DDX23: variants seen among roughly 807,000 people sequenced by gnomAD.
DDX23 encodes probable ATP-dependent RNA helicase DDX23.
In DDX23, 33 loss-of-function variants were observed where a neutral mutation model predicts 102.7. The ratio of observed to expected loss-of-function variants is 0.32; its 90% confidence interval spans 0.24 to 0.43. The LOEUF is 0.43. DDX23 is among the 20% of genes least tolerant of loss of function. DDX23 has a pLI of 1.00. For synonymous variants in DDX23, 352 were observed against 376.0 expected (o/e 0.94, Z 0.74); for missense variants, 549 against 1,086.6 (o/e 0.51, Z 6.96).
In DDX23 at chr12:48,841,980, G is replaced by A. The variant is rs543126407; in HGVS notation, c.321-1874C>T. On this transcript the variant is annotated intron_variant, in intron 3 of 16. Transcript: ENST00000308025. ...CCGCCCCGTCTGGGATGTGAGGAGCGTCTCTGCCCGGCCGCCCCGTCTGAG... is the reference window on the plus strand; with the variant it reads ...CCGCCCCGTCTGGGATGTGAGGAGCATCTCTGCCCGGCCGCCCCGTCTGAG... Among the ~76,000 whole-genome samples, 1,004 of 150,938 alleles carry A rather than the reference G, an allele frequency of 6.7e-3. 6 individuals carry two copies. The highest frequency in any genetic ancestry group is 0.022 in the African/African-American group (904 of 41,040).
At chr12:48,831,378 AGAG>A in intron 15 of DDX23, 62 bp from the exon 16 acceptor site, 2 of 1,535,302 alleles carry the variant, frequency 1.3e-6, no homozygotes, top group Non-Finnish European at 1.8e-6. Context: ...ACAGGAGTTC[AGAG>A]GAATGGGACA....
intron 2 of DDX23, among the ~76,000 whole-genome samples, chr12:48,845,041 A>G (rs977745696): frequency 2.0e-5 from 3 of 151,010 alleles, no homozygotes; most frequent in Non-Finnish European, 4.4e-5. Flanking sequence ...AATCCCAGCT[A>G]TTCGGGAGGC....
chr12:48,832,580 A>G lies in DDX23; in HGVS notation c.1804-7T>C, dbSNP rs745583484. ...TGGCCGTGAACATGACTGTCTACGA[A>G]AACAGGAGGCTCAGCCCTGCACCCA... On this transcript the variant is annotated splice_region_variant and splice_polypyrimidine_tract_variant and intron_variant, in intron 13 of 16. Transcript: ENST00000308025. The surrounding 1 kb of genome is among the most constrained non-coding windows in gnomAD (Gnocchi z 4.4). 1.1e-5 allele frequency: 18 copies of G among 1,613,462 alleles called. No homozygotes were observed. Among genetic ancestry groups the G allele is most frequent in the Middle Eastern group, 3.3e-4 (2 of 6,074 alleles).
intron 13 of DDX23, 26 bp downstream of exon 13, chr12:48,833,251 T>C (rs778316558): frequency 6.2e-7 from 1 of 1,613,270 alleles, no homozygotes; most frequent in Non-Finnish European, 8.5e-7. Flanking sequence ...TGTCCAACTT[T>C]TCCCAGCCCA....
In DDX23 at chr12:48,845,756, C is replaced by A. The variant is rs1244872079; in HGVS notation, c.27G>T (p.Lys9Asn). 2.5e-6 allele frequency: 4 copies of A among 1,614,120 alleles called. No individual in the cohort carries two copies. The highest frequency in any genetic ancestry group is 2.7e-5 in the African/African-American group (2 of 75,038). ...CCTTGGAAGGTGATGCATCACGGTC[C>A]TTTTTGTCAGCCAGCTCTCCTGCCA... is the stretch of plus-strand genomic sequence containing the variant. MAGELADKKDRDASPSKEE... is the reference protein window; with the variant it reads MAGELADKNDRDASPSKEE... Residue 9 changes from lysine to asparagine, a missense_variant, in exon 2 of 17, where the codon AAG becomes AAT. By Grantham distance (94) the Lys-to-Asn change is moderately conservative (BLOSUM62 0). Around this residue, in one of 4 missense-constraint regions of DDX23, gnomAD observed 241 missense variants for 267.0 expected, o/e 0.90. Transcript: ENST00000308025.
chr12:48,833,257 GC>G lies in DDX23; in HGVS notation c.1803+19del, dbSNP rs761116179. 6.2e-7 allele frequency: 1 copy of G among 1,613,596 alleles called. No homozygotes were observed. The highest frequency in any genetic ancestry group is 1.1e-5 in the South Asian group (1 of 90,988). ...GCCTTGGCCTGTCCAACTTTTCCCA[GC>G]CCAGGGAAGCAGCCTTACTTGGCGG... On this transcript the variant is annotated intron_variant, in intron 13 of 16. Coordinates refer to ENST00000308025, the MANE Select transcript of DDX23 (RefSeq NM_004818.3).
chr12:48,837,825 AT>A, intron 6 of DDX23, 116 bp downstream of exon 6: 1 of 1,546,276 alleles, frequency 6.5e-7, no homozygotes, highest in Non-Finnish European at 8.7e-7. Context: ...AACTCCCACC[AT>A]CCTTCCCCTT....
intron 5 of DDX23, among the ~76,000 whole-genome samples, chr12:48,839,266 T>C (rs1022631748): frequency 2.6e-5 from 4 of 151,762 alleles, no homozygotes; most frequent in South Asian, 2.1e-4. Flanking sequence ...TAAGTTAAAA[T>C]GAGCCCATTA....
At chr12:48,842,563 C>T (rs1248737941) in intron 3 of DDX23, among the ~76,000 whole-genome samples, 13 of 146,942 alleles carry the variant, frequency 8.8e-5, no homozygotes, top group Non-Finnish European at 1.4e-4. Flanking sequence ...GTCAGCCCCC[C>T]GCCCGGCCAG....
rs373947137 is a variant in DDX23, at chr12:48,836,312, C to A, written c.1237-46G>T. 3.7e-5 allele frequency: 59 copies of A among 1,599,558 alleles called. No homozygotes were observed. Among genetic ancestry groups the A allele is most frequent in the Non-Finnish European group, 1.2e-5 (14 of 1,167,830 alleles). ...AGTAATAGGTACAGGGAGAGTTATA[C>A]CACCTGGGCAACCACTGATAGTAGT... is the stretch of plus-strand genomic sequence containing the variant. On this transcript the variant is annotated intron_variant, in intron 10 of 16. Transcript: ENST00000308025. The surrounding 1 kb of genome is among the most constrained non-coding windows in gnomAD (Gnocchi z 6.1).
chr12:48,840,408 T>C (rs1325060405), intron 3 of DDX23, among the ~76,000 whole-genome samples: 3 of 152,112 alleles, frequency 2.0e-5, no homozygotes, highest in Non-Finnish European at 4.4e-5. Flanking sequence ...CGGTGTCTCA[T>C]GCCTATAATC....
rs757724499 is a variant in DDX23, at chr12:48,843,547, C to CT, written c.320+392dup. 3.4e-3 allele frequency among the ~76,000 whole-genome samples: 403 copies of CT among 117,478 alleles called. 4 individuals are homozygous for CT. Among genetic ancestry groups the CT allele is most frequent in the South Asian group, 0.016 (58 of 3,682 alleles). 77.1% of individuals were successfully genotyped at this position (117,478 alleles called of 152,430 possible). A position where few individuals can be genotyped will look rare whatever the true frequency, so the allele number is the denominator to read the frequency against. Reference sequence around the variant, plus strand: ...TAAGAGAAATCTACTTTCTTTCTTTCTTTTTTTTTTTTTTTTTTTGAGACA... The same window carrying CT: ...TAAGAGAAATCTACTTTCTTTCTTTCTTTTTTTTTTTTTTTTTTTTGAGACA... On this transcript the variant is annotated intron_variant, in intron 3 of 16. Transcript: ENST00000308025.
At position 48,830,525 on chromosome 12, in the gene DDX23, G is replaced by A. The variant is rs899694983; in HGVS notation, c.2407C>T (p.His803Tyr). The A allele has an allele frequency of 6.2e-7, 1 of 1,613,818 alleles. No individual in the cohort carries two copies. Among genetic ancestry groups the A allele is most frequent in the East Asian group, 2.2e-5 (1 of 44,884 alleles). ...TTGGTGAGGATGGTGCCTGGCTTAT[G>A]CTGGGCATCTGGGTGGTTGGCTAGT... The part of the protein sequence containing the change: ...PELANHPDAQ[H>Y]KPGTILTKKR... The change falls in exon 17 of 17, where the codon CAT becomes TAT. Residue 803 changes from histidine (H) to tyrosine (Y), a missense_variant. Transcript: ENST00000308025. This position sits in a 1 kb window ranked among gnomAD's most constrained non-coding sequence, Gnocchi z 4.9.
intron 11 of DDX23, 22 bp from the exon 12 acceptor site, chr12:48,834,519 A>C: frequency 6.2e-7 from 1 of 1,606,114 alleles, no homozygotes. Context: ...AGGGTGCCCC[A>C]CAGCTTCGTG....
At chr12:48,843,853 TCTA>T in intron 3 of DDX23, 84 bp downstream of exon 3, 1 of 1,462,014 alleles carries the variant, frequency 6.8e-7, no homozygotes, top group Non-Finnish European at 9.6e-7. Context: ...TGGCGAGAAA[TCTA>T]CTTTCATAAG....
At chr12:48,837,694 A>C (rs756756529) in intron 6 of DDX23, 37 bp from the exon 7 acceptor site, 1 of 1,612,088 alleles carries the variant, frequency 6.2e-7, no homozygotes, top group East Asian at 2.2e-5. Context: ...AGAAGAGCTC[A>C]TGGAAGAAAA....
intron 3 of DDX23, among the ~76,000 whole-genome samples, chr12:48,841,904 G>A (rs1205570995): frequency 6.6e-6 from 1 of 150,600 alleles, no homozygotes; most frequent in Non-Finnish European, 1.5e-5. Flanking sequence ...AGTGAGGAGC[G>A]TCTCTGCCAG....
At chr12:48,840,660 T>A (rs1938535456) in intron 3 of DDX23, among the ~76,000 whole-genome samples, 1 of 151,874 alleles carries the variant, frequency 6.6e-6, no homozygotes, top group African/African-American at 2.4e-5. Flanking sequence ...TCAAGAAATT[T>A]TCCTGCCTCA....
At chr12:48,845,501 C>G (rs974570405) in intron 2 of DDX23, 73 bp downstream of exon 2, 3 of 1,547,752 alleles carry the variant, frequency 1.9e-6, no homozygotes, top group Non-Finnish European at 2.7e-6. Context: ...CTGGAGGCAT[C>G]AGAAGAACCA....
Sources: allele counts gnomAD v4.1 joint callset (sites outside exome capture counted in the v4.1 genomes callset), GRCh38; gene constraint gnomAD v4.1.1; regional missense constraint gnomAD v4.1.1; non-coding constraint Gnocchi (gnomAD v3.1); transcripts MANE v1.5; gene names NCBI Gene and HGNC (gene_info 2026-07-23, HGNC 2026-07-21).